The following COL24A1 variants were observed in gnomAD, a reference collection of about 807,000 sequenced individuals.
COL24A1 encodes collagen type XXIV alpha 1 chain, also known as collagen alpha-1(XXIV) chain.
A neutral mutation model predicts 253.9 loss-of-function variants in COL24A1; 224 were observed. That is an observed-to-expected ratio of 0.88 (90% CI 0.79 to 0.99). The LOEUF (loss-of-function observed/expected upper bound fraction) is 0.99, where lower values mean the gene tolerates loss of function less well. Ranked by LOEUF, COL24A1 falls within the 50% of genes least tolerant of loss-of-function variation. The probability of loss-of-function intolerance (pLI) is 0.00; values close to 1 mark genes in which losing one functional copy is unlikely to be tolerated. For synonymous variants in COL24A1, 685 were observed against 673.7 expected (o/e 1.02, Z -0.26); for missense variants, 2,131 against 2,068.5 (o/e 1.03, Z -0.59).
At chr1:85,990,433 C>T (rs769083825) in intron 19 of COL24A1, among the ~76,000 whole-genome samples, 2 of 152,162 alleles carry the variant, frequency 1.3e-5, no homozygotes, top group Non-Finnish European at 2.9e-5. Context: ...ACCTAGATCC[C>T]TCACACGTGC....
intron 19 of COL24A1, among the ~76,000 whole-genome samples, chr1:86,016,490 G>T (rs1430782665): frequency 6.6e-6 from 1 of 152,196 alleles, no homozygotes; most frequent in Non-Finnish European, 1.5e-5. Context: ...ATGTGTGTGT[G>T]TGTAGGCACA....
chr1:85,897,751 T>A (rs534175924), intron 28 of COL24A1, among the ~76,000 whole-genome samples: 1 of 152,322 alleles, frequency 6.6e-6, no homozygotes, highest in African/African-American at 2.4e-5. Flanking sequence ...TCTAACTGAA[T>A]ACCTGTGGAA....
intron 47 of COL24A1, among the ~76,000 whole-genome samples, chr1:85,801,481 A>G (rs952209648): frequency 6.6e-6 from 1 of 152,176 alleles, no homozygotes; most frequent in Non-Finnish European, 1.5e-5. Flanking sequence ...GTTATTCTCA[A>G]CTATAGCTCC....
intron 19 of COL24A1, among the ~76,000 whole-genome samples, chr1:85,996,900 C>T (rs1694847098): frequency 1.3e-5 from 2 of 151,678 alleles, no homozygotes; most frequent in South Asian, 2.1e-4. Context: ...GAGGAACTGG[C>T]ATGTCTCAAT....
intron 55 of COL24A1, among the ~76,000 whole-genome samples, chr1:85,756,394 G>A (rs1030288322): frequency 6.6e-6 from 1 of 152,004 alleles, no homozygotes; most frequent in Non-Finnish European, 1.5e-5. Context: ...ACTCCAGCTT[G>A]GGCAACACAG....
intron 20 of COL24A1, among the ~76,000 whole-genome samples, chr1:85,982,195 T>A (rs1693320402): frequency 6.6e-6 from 1 of 152,094 alleles, no homozygotes; most frequent in Non-Finnish European, 1.5e-5. Flanking sequence ...TAATTCCATC[T>A]ATAGGCGGTA....
At chr1:86,106,619 G>T (rs1705000812) in intron 5 of COL24A1, among the ~76,000 whole-genome samples, 1 of 152,024 alleles carries the variant, frequency 6.6e-6, no homozygotes, top group Non-Finnish European at 1.5e-5. Flanking sequence ...TAATAGCAAT[G>T]AACATTCCCA....
At chr1:86,106,970 A>T (rs985793153) in intron 5 of COL24A1, among the ~76,000 whole-genome samples, 2 of 152,234 alleles carry the variant, frequency 1.3e-5, no homozygotes, top group Non-Finnish European at 2.9e-5. Context: ...ATTAGGAATC[A>T]GTTTCACTCT....
chr1:85,783,586 T>TA, intron 50 of COL24A1, 28 bp from the exon 51 acceptor site: 2 of 1,596,974 alleles, frequency 1.3e-6, no homozygotes, highest in Non-Finnish European at 1.7e-6. Flanking sequence ...AACAAAAAGA[T>TA]AAAATTTGTA....
chr1:85,804,236 A>C (rs1408097849), intron 47 of COL24A1, among the ~76,000 whole-genome samples: 1 of 152,200 alleles, frequency 6.6e-6, no homozygotes, highest in African/African-American at 2.4e-5. Flanking sequence ...AAACAAAGGG[A>C]TATGAGAATA....
At chr1:85,736,858 A>G (rs961725523) in intron 58 of COL24A1, among the ~76,000 whole-genome samples, 1 of 152,210 alleles carries the variant, frequency 6.6e-6, no homozygotes, top group Non-Finnish European at 1.5e-5. Flanking sequence ...GTTATAATAT[A>G]TGTTAGTTTA....
At chr1:85,995,192 A>G (rs1558937818) in intron 19 of COL24A1, among the ~76,000 whole-genome samples, 2 of 152,136 alleles carry the variant, frequency 1.3e-5, no homozygotes, top group Non-Finnish European at 2.9e-5. Context: ...TGCTCTGTCA[A>G]TCAAGCTGGA....
chr1:86,141,728 T>C (rs890423986), intron 2 of COL24A1, among the ~76,000 whole-genome samples: 9 of 149,798 alleles, frequency 6.0e-5, no homozygotes, highest in African/African-American at 1.7e-4. Flanking sequence ...TGAGACAGAG[T>C]CTCACTCTGT....
chr1:85,909,216 A>G (rs1483794281), intron 26 of COL24A1, among the ~76,000 whole-genome samples: 2 of 151,814 alleles, frequency 1.3e-5, no homozygotes, highest in Non-Finnish European at 3.0e-5. Flanking sequence ...GCTGACAGCA[A>G]CTGGAAATTG....
Position 85,734,806 on chromosome 1 carries a change from G to T in COL24A1, c.4941C>A (p.Gly1647=). 6.2e-7 allele frequency: 1 copy of T among 1,614,140 alleles called. No homozygotes were observed. The highest frequency in any genetic ancestry group is 8.5e-7 in the Non-Finnish European group (1 of 1,180,008). ...GTAGAGTGTTTACTTTAAAAATCTG[G>T]CCATTCCATCCCTTGAAACCAATAG... ...GLPIGFKGWN[G]QIFKVNTLLE... is the part of the protein sequence containing the mutation. Residue 1647 remains glycine (G), a synonymous_variant, in exon 59 of 60, where the codon GGC becomes GGA. Coordinates refer to ENST00000370571, the MANE Select transcript of COL24A1 (RefSeq NM_152890.7).
In COL24A1 at chr1:85,730,443, C is replaced by T. The variant is rs1663360697; in HGVS notation, c.*103G>A. ...GAGATTCTTTAAGATTTAGCCAATG[C>T]TTTATTACATGCATTTCATAATGAC... is the stretch of plus-strand genomic sequence containing the variant. On this transcript the variant is annotated 3_prime_UTR_variant, in exon 60 of 60. Transcript: ENST00000370571. 1 of 1,265,422 alleles carries T rather than the reference C, an allele frequency of 7.9e-7. No individual in the cohort carries two copies. The highest frequency in any genetic ancestry group is 1.1e-6 in the Non-Finnish European group (1 of 911,736). 78.4% of individuals were successfully genotyped at this position (1,265,422 alleles called of 1,614,324 possible). A position where few individuals can be genotyped will look rare whatever the true frequency, so the allele number is the denominator to read the frequency against.
At chr1:86,141,282 G>C (rs983597608) in intron 2 of COL24A1, among the ~76,000 whole-genome samples, 3 of 152,172 alleles carry the variant, frequency 2.0e-5, no homozygotes, top group African/African-American at 7.2e-5. Context: ...CAGCATTGAG[G>C]CTTCAAATTG....
intron 2 of COL24A1, among the ~76,000 whole-genome samples, chr1:86,127,617 G>A (rs897250442): frequency 9.9e-5 from 15 of 151,884 alleles, no homozygotes; most frequent in Non-Finnish European, 1.8e-4. Context: ...TTTCCCATCT[G>A]TATCTTTGTA....
At chr1:85,880,024 T>C (rs376037469) in intron 32 of COL24A1, among the ~76,000 whole-genome samples, 1 of 152,228 alleles carries the variant, frequency 6.6e-6, no homozygotes, top group African/African-American at 2.4e-5. Context: ...TGCCTTTCCA[T>C]AGGAACTTCA....
Sources: allele counts gnomAD v4.1 joint callset (sites outside exome capture counted in the v4.1 genomes callset), GRCh38; gene constraint gnomAD v4.1.1; transcripts MANE v1.5; gene names NCBI Gene and HGNC (gene_info 2026-07-23, HGNC 2026-07-21).